MTUS2: variants seen among roughly 807,000 people sequenced by gnomAD.
MTUS2 encodes microtubule associated scaffold protein 2.
A neutral mutation model predicts 114.1 loss-of-function variants in MTUS2; 40 were observed. The ratio of observed to expected loss-of-function variants is 0.35; its 90% CI spans 0.27 to 0.46. The LOEUF (loss-of-function observed/expected upper bound fraction) is 0.46. MTUS2 is among the 20% of genes least tolerant of loss of function. The pLI is 1.00. For missense variants in MTUS2, 1,679 were observed against 1,705.4 expected (o/e 0.98, Z 0.27); for synonymous variants, 688 against 672.0 (o/e 1.02, Z -0.37).
intron 9 of MTUS2, among the ~76,000 whole-genome samples, chr13:29,451,486 C>G (rs570462399): frequency 2.6e-5 from 4 of 152,180 alleles, no homozygotes; most frequent in African/African-American, 9.6e-5. Flanking sequence ...TTAGAGGGCA[C>G]CAGAAATATA....
chr13:29,376,789 C>T (rs867433876), intron 8 of MTUS2, among the ~76,000 whole-genome samples: 5 of 152,066 alleles, frequency 3.3e-5, no homozygotes, highest in African/African-American at 2.4e-5. Flanking sequence ...CCAACGTTAT[C>T]TAAACAAGCC....
At chr13:29,183,072 A>G (rs1453042330) in intron 5 of MTUS2, among the ~76,000 whole-genome samples, 1 of 152,196 alleles carries the variant, frequency 6.6e-6, no homozygotes, top group African/African-American at 2.4e-5. Flanking sequence ...CAGAAGCAGC[A>G]TTATGTCTTA....
chr13:29,412,082 C>T (rs1875282491), intron 8 of MTUS2, among the ~76,000 whole-genome samples: 1 of 152,070 alleles, frequency 6.6e-6, no homozygotes, highest in Admixed American at 6.5e-5. Flanking sequence ...TTTCTCTTTT[C>T]TAATTACATT....
chr13:29,333,223 G>A (rs1900881875), intron 7 of MTUS2, among the ~76,000 whole-genome samples: 1 of 152,004 alleles, frequency 6.6e-6, no homozygotes, highest in Admixed American at 6.6e-5. Context: ...TTGAGATACA[G>A]TGTCACTGTT....
intron 5 of MTUS2, among the ~76,000 whole-genome samples, chr13:29,243,223 A>C (rs1896793593): frequency 6.6e-6 from 1 of 152,126 alleles, no homozygotes; most frequent in African/African-American, 2.4e-5. Flanking sequence ...AGTGTGTAGA[A>C]GGAGAAAAGC....
At chr13:29,236,310 A>G (rs1234915819) in intron 5 of MTUS2, among the ~76,000 whole-genome samples, 1 of 152,130 alleles carries the variant, frequency 6.6e-6, no homozygotes. Context: ...TGTATTCGAT[A>G]TGTTCTATTA....
chr13:28,890,786 A>T (rs1378929146), intron 2 of MTUS2, among the ~76,000 whole-genome samples: 1 of 152,116 alleles, frequency 6.6e-6, no homozygotes, highest in Non-Finnish European at 1.5e-5. Context: ...ATCTAGTCTC[A>T]TGGCTTTTTG....
In MTUS2 at chr13:29,362,890, C is replaced by G. The variant is rs115347373; in HGVS notation, c.3117+3417C>G. ...TGCTTTATAGCTCCTGGCAGAGTAG[C>G]TGTGAAAGTTGTCAGCTCTAACACA... On this transcript the variant is annotated intron_variant, in intron 8 of 15. Coordinates refer to ENST00000612955, the MANE Select transcript of MTUS2 (RefSeq NM_001033602.4). 3.6e-3 allele frequency among the ~76,000 whole-genome samples: 545 copies of G among 152,298 alleles called. 4 individuals carry two copies. Among genetic ancestry groups the G allele is most frequent in the African/African-American group, 0.013 (529 of 41,576 alleles).
chr13:28,932,820 C>G lies in MTUS2; in HGVS notation c.-242-91637C>G, dbSNP rs1881687043. ...TTCTGTAAAACAGGAATCTGATCTT[C>G]CCACAGGGGGTTCTGTTCTAAGGCT... On this transcript the variant is annotated intron_variant, in intron 2 of 15. Transcript: ENST00000612955. 1.3e-5 allele frequency among the ~76,000 whole-genome samples: 2 copies of G among 152,288 alleles called. 1 individual carries two copies. Among genetic ancestry groups the G allele is most frequent in the South Asian group, 4.1e-4 (2 of 4,828 alleles).
chr13:29,059,166 C>T (rs548198296), intron 4 of MTUS2, among the ~76,000 whole-genome samples: 2 of 149,272 alleles, frequency 1.3e-5, no homozygotes, highest in East Asian at 3.9e-4. Context: ...AGTTCTTGCA[C>T]TGGTTCTTTC....
intron 5 of MTUS2, among the ~76,000 whole-genome samples, chr13:29,156,562 C>T (rs1892868920): frequency 6.6e-6 from 1 of 152,034 alleles, no homozygotes; most frequent in Non-Finnish European, 1.5e-5. Flanking sequence ...GCTTTGCCTC[C>T]TACTTGCTGT....
chr13:29,079,759 A>G (rs541552408), intron 4 of MTUS2, among the ~76,000 whole-genome samples: 26 of 152,326 alleles, frequency 1.7e-4, no homozygotes, highest in Admixed American at 7.8e-4. Context: ...CTATATGTCT[A>G]TCTTTATGCT....
chr13:28,820,135 C>T (rs1028715452), upstream of MTUS2, among the ~76,000 whole-genome samples: 2 of 146,868 alleles, frequency 1.4e-5, no homozygotes, highest in Non-Finnish European at 3.0e-5. Context: ...GCCGGCCCCG[C>T]GGCTTCTCTT....
At chr13:29,048,208 A>G (rs1246255679) in intron 4 of MTUS2, among the ~76,000 whole-genome samples, 3 of 151,962 alleles carry the variant, frequency 2.0e-5, no homozygotes, top group Non-Finnish European at 4.4e-5. Context: ...TTTTCTCTAC[A>G]GTTCTTATTT....
Position 29,482,944 on chromosome 13 carries a change from T to C in MTUS2, c.3399+2580T>C, listed in dbSNP as rs564278780. Among the ~76,000 whole-genome samples the C allele has an allele frequency of 4.6e-5, 7 of 152,290 alleles. No individual in the cohort carries two copies. In the South Asian group the frequency reaches 1.5e-3, roughly 32 times the overall value. On this transcript the variant is annotated intron_variant, in intron 10 of 15. Transcript: ENST00000612955. Reference sequence around the variant, plus strand: ...GAGAACATGCAGGAAGTGAGGAAGATGAAATGCACCCCAGGCCAACAGTCT... The same window carrying C: ...GAGAACATGCAGGAAGTGAGGAAGACGAAATGCACCCCAGGCCAACAGTCT...
chr13:28,882,864 C>T (rs536031609), intron 2 of MTUS2, among the ~76,000 whole-genome samples: 17 of 152,186 alleles, frequency 1.1e-4, no homozygotes, highest in South Asian at 2.1e-4. Context: ...GATGAAAAGA[C>T]GAGCTACAGA....
chr13:29,024,155 AAAG>A (rs1245936112), intron 2 of MTUS2, among the ~76,000 whole-genome samples: 6 of 152,338 alleles, frequency 3.9e-5, no homozygotes, highest in Non-Finnish European at 8.8e-5. Flanking sequence ...ATTCTTCTGT[AAAG>A]AAGAGCCCTT....
chr13:28,944,970 C>T (rs2032712340), intron 2 of MTUS2, among the ~76,000 whole-genome samples: 1 of 152,140 alleles, frequency 6.6e-6, no homozygotes, highest in Non-Finnish European at 1.5e-5. Flanking sequence ...ATTCCTCACC[C>T]CCTCCCACCC....
chr13:28,961,136 A>AT (rs1883307781), intron 2 of MTUS2, among the ~76,000 whole-genome samples: 1 of 152,174 alleles, frequency 6.6e-6, no homozygotes, highest in African/African-American at 2.4e-5. Context: ...GGACTCTAAC[A>AT]AAAGATTTTT....
Sources: gnomAD v4.1 joint callset for allele counts (sites outside exome capture counted in the v4.1 genomes callset) on GRCh38, gnomAD v4.1.1 for gene constraint, MANE v1.5 for transcripts, NCBI Gene and HGNC (gene_info 2026-07-23, HGNC 2026-07-21) for gene names.